The following KCNIP4 variants were observed in gnomAD, a reference collection of about 807,000 sequenced individuals.
The protein encoded by KCNIP4 is Kv channel-interacting protein 4.
In KCNIP4, 12 loss-of-function variants were observed where a neutral mutation model predicts 34.0. The observed-to-expected ratio is 0.35, with a 90% CI of 0.23 to 0.57. The LOEUF is 0.57. Ranked by LOEUF, KCNIP4 falls within the 20% of genes least tolerant of loss-of-function variation. The pLI is 0.83. For missense variants in KCNIP4, 238 were observed against 311.7 expected, an observed-to-expected ratio of 0.76 and a Z score of 1.78; for synonymous variants, 124 against 102.2, an observed-to-expected ratio of 1.21 and a Z score of -1.29.
chr4:21,838,764 T>A (rs1208176441), intron 1 of KCNIP4, among the ~76,000 whole-genome samples: 1 of 152,140 alleles, frequency 6.6e-6, no homozygotes, highest in African/African-American at 2.4e-5. Flanking sequence ...CTCTGGATCC[T>A]TAGAAAAAAA....
intron 1 of KCNIP4, among the ~76,000 whole-genome samples, chr4:21,930,295 G>A (rs1269122677): frequency 6.6e-6 from 1 of 152,054 alleles, no homozygotes; most frequent in African/African-American, 2.4e-5. Context: ...TCTCTTGAAT[G>A]CAACACCTCT....
intron 1 of KCNIP4, among the ~76,000 whole-genome samples, chr4:21,817,177 G>A (rs1722037991): frequency 6.6e-6 from 1 of 152,080 alleles, no homozygotes; most frequent in Admixed American, 6.6e-5. Flanking sequence ...CACTGTTGCA[G>A]GAAGTCAGGG....
At chr4:21,564,909 G>A (rs544638595) in intron 1 of KCNIP4, among the ~76,000 whole-genome samples, 3 of 152,152 alleles carry the variant, frequency 2.0e-5, no homozygotes, top group African/African-American at 2.4e-5. Context: ...TTACCACAAG[G>A]ACAACACCAA....
At chr4:20,992,288 G>A (rs1478846151) in intron 1 of KCNIP4, among the ~76,000 whole-genome samples, 1 of 152,122 alleles carries the variant, frequency 6.6e-6, no homozygotes, top group African/African-American at 2.4e-5. Flanking sequence ...GATGGAGTGG[G>A]TGCAAGCAGG....
At chr4:21,134,768 A>G (rs1265298520) in intron 1 of KCNIP4, among the ~76,000 whole-genome samples, 1 of 152,208 alleles carries the variant, frequency 6.6e-6, no homozygotes, top group Non-Finnish European at 1.5e-5. Flanking sequence ...CTATCAATAT[A>G]ATCCCATTCA....
chr4:21,759,938 T>C (rs972755988), intron 1 of KCNIP4, among the ~76,000 whole-genome samples: 6 of 152,044 alleles, frequency 3.9e-5, no homozygotes, highest in Non-Finnish European at 8.8e-5. Context: ...GCTCTCAATG[T>C]CTTTGCTCTT....
intron 1 of KCNIP4, among the ~76,000 whole-genome samples, chr4:21,251,959 C>T (rs1051686157): frequency 1.3e-5 from 2 of 151,064 alleles, no homozygotes; most frequent in Admixed American, 6.6e-5. Context: ...CATGTATACA[C>T]ATGTAACTAA....
intron 1 of KCNIP4, among the ~76,000 whole-genome samples, chr4:21,501,246 TCTCACA>T (rs1159761931): frequency 1.5e-3 from 142 of 93,522 alleles, no homozygotes; most frequent in Admixed American, 5.6e-3. Flanking sequence ...TCTCTCTCTC[TCTCACA>T]CACACACACA....
intron 3 of KCNIP4, among the ~76,000 whole-genome samples, chr4:20,772,983 T>C (rs1193673032): frequency 6.6e-6 from 1 of 151,736 alleles, no homozygotes; most frequent in Non-Finnish European, 1.5e-5. Context: ...TTGTCCCTCT[T>C]GCACAAGTTT....
In KCNIP4 at chr4:21,556,930, A is replaced by AAAAAAAAAAAACAAAAAAAC; in HGVS notation, c.61+391640_61+391641insGTTTTTTTGTTTTTTTTTTT. 2.8e-5 allele frequency among the ~76,000 whole-genome samples: 3 copies of AAAAAAAAAAAACAAAAAAAC among 108,262 alleles called. 1 individual carries two copies. In the East Asian group the frequency reaches 9.7e-4, roughly 35 times the overall value. 71.0% of individuals were successfully genotyped at this position (108,262 alleles called of 152,430 possible). A position where few individuals can be genotyped will look rare whatever the true frequency, so the allele number is the denominator to read the frequency against. ...AGCAAGACTCCATCTCAGAAAAAAA[A>AAAAAAAAAAAACAAAAAAAC]AAAAAAAAAAAAACCAGAAAACAAA... is the stretch of plus-strand genomic sequence containing the variant. On this transcript the variant is annotated intron_variant, in intron 1 of 8. Transcript: ENST00000382152.
chr4:21,233,804 T>C (rs2109025871), intron 1 of KCNIP4, among the ~76,000 whole-genome samples: 1 of 144,992 alleles, frequency 6.9e-6, no homozygotes, highest in East Asian at 2.0e-4. Context: ...ATATATAATA[T>C]AGTATATAAT....
chr4:21,278,313 G>A (rs1015082677), intron 1 of KCNIP4, among the ~76,000 whole-genome samples: 1 of 152,088 alleles, frequency 6.6e-6, no homozygotes, highest in Non-Finnish European at 1.5e-5. Flanking sequence ...ATTAAGCGTA[G>A]TACCCAATAG....
chr4:21,431,751 C>A (rs890657626), intron 1 of KCNIP4, among the ~76,000 whole-genome samples: 6 of 151,380 alleles, frequency 4.0e-5, no homozygotes, highest in African/African-American at 1.2e-4. Flanking sequence ...GACATATAGC[C>A]AATGGATTAC....
chr4:21,356,793 CT>C (rs1304435883), intron 1 of KCNIP4, among the ~76,000 whole-genome samples: 1 of 152,178 alleles, frequency 6.6e-6, no homozygotes, highest in Non-Finnish European at 1.5e-5. Context: ...CAATGACTTT[CT>C]TCACAGAATT....
At chr4:21,399,594 C>G (rs1433822069) in intron 1 of KCNIP4, among the ~76,000 whole-genome samples, 1 of 150,600 alleles carries the variant, frequency 6.6e-6, no homozygotes, top group East Asian at 1.9e-4. Flanking sequence ...CAAGTACTAA[C>G]TGGGCTTGCC....
At chr4:21,520,440 T>A (rs1174503709) in intron 1 of KCNIP4, among the ~76,000 whole-genome samples, 1 of 152,198 alleles carries the variant, frequency 6.6e-6, no homozygotes, top group Non-Finnish European at 1.5e-5. Flanking sequence ...GTCACACAGC[T>A]AAGAATTAGT....
intron 1 of KCNIP4, among the ~76,000 whole-genome samples, chr4:21,452,873 G>A (rs1404539522): frequency 7.4e-6 from 1 of 136,010 alleles, no homozygotes; most frequent in East Asian, 2.1e-4. Context: ...GGTAAAGGCT[G>A]TATGCCTTAA....
At chr4:20,959,859 T>C (rs978343705) in intron 1 of KCNIP4, among the ~76,000 whole-genome samples, 18 of 152,204 alleles carry the variant, frequency 1.2e-4, no homozygotes, top group Non-Finnish European at 2.4e-4. Flanking sequence ...ACATAATCTG[T>C]AAGATGAGGA....
rs577451796 is a variant in KCNIP4 at position 21,072,811 on chromosome 4, T to A, written c.62-190102A>T. 6.6e-5 allele frequency among the ~76,000 whole-genome samples: 10 copies of A among 152,346 alleles called. No individual in the cohort carries two copies. The East Asian group carries it at 1.9e-3, about 29-fold the overall frequency. Reference sequence around the variant, plus strand: ...ATGTAAGTCTTTAATCCACCTTGAATTAATTTTCATATAAGGTGTAAGGAA... The same window carrying A: ...ATGTAAGTCTTTAATCCACCTTGAAATAATTTTCATATAAGGTGTAAGGAA... On this transcript the variant is annotated intron_variant, in intron 1 of 8. Transcript: ENST00000382152.
Sources: gnomAD v4.1 joint callset for allele counts (sites outside exome capture counted in the v4.1 genomes callset) on GRCh38, gnomAD v4.1.1 for gene constraint, MANE v1.5 for transcripts, NCBI Gene and HGNC (gene_info 2026-07-23, HGNC 2026-07-21) for gene names.